Variants in CLIP2 observed in about 807,000 individuals in gnomAD.
CLIP2 encodes CAP-Gly domain-containing linker protein 2.
Under a neutral mutation model 111.7 loss-of-function variants are expected in CLIP2, and 41 were observed. That is an observed-to-expected ratio of 0.37 (90% CI 0.29 to 0.48). The LOEUF (loss-of-function observed/expected upper bound fraction) is 0.48, where lower values mean the gene tolerates loss of function less well. CLIP2 is among the 20% of genes least tolerant of loss of function. The pLI, the probability that CLIP2 is intolerant of heterozygous loss-of-function variation, is 0.99. For missense variants in CLIP2, 1,160 were observed against 1,422.1 expected (o/e 0.82, Z 2.96); for synonymous variants, 660 against 644.2 (o/e 1.02, Z -0.37).
intron 11 of CLIP2, among the ~76,000 whole-genome samples, chr7:74,383,069 G>T (rs1214049918): frequency 1.5e-5 from 2 of 134,950 alleles, no homozygotes; most frequent in Non-Finnish European, 3.1e-5. Context: ...AATAGAGTGA[G>T]ACCCTGTCAC....
chr7:74,333,307 C>G (rs945974752), intron 2 of CLIP2, among the ~76,000 whole-genome samples: 22 of 151,918 alleles, frequency 1.4e-4, no homozygotes, highest in African/African-American at 4.8e-4. Context: ...CCTCAGCCTC[C>G]CAAGTAGCTT....
intron 1 of CLIP2, among the ~76,000 whole-genome samples, chr7:74,306,791 T>G (rs1584310890): frequency 6.6e-6 from 1 of 152,234 alleles, no homozygotes; most frequent in South Asian, 2.1e-4. Flanking sequence ...TGGGGTGTCT[T>G]CTCTGCCTCA....
intron 1 of CLIP2, among the ~76,000 whole-genome samples, chr7:74,295,506 C>G (rs1318463300): frequency 6.6e-6 from 1 of 152,100 alleles, no homozygotes; most frequent in Non-Finnish European, 1.5e-5. Context: ...CTTCGCTAGC[C>G]TGTTCCCTTT....
In CLIP2 at chr7:74,401,637, C is replaced by T. The variant is rs17145470; in HGVS notation, c.3129+70C>T. On this transcript the variant is annotated intron_variant, in intron 16 of 16. Coordinates refer to ENST00000223398, the MANE Select transcript of CLIP2 (RefSeq NM_003388.5). The stretch of plus-strand genomic sequence containing the variant: ...ACCTCTCTGGAGAAAATCCTTGAAA[C>T]GTCACTAAGAATACACACAAAGATG... 35 of 1,455,234 alleles carry T rather than the reference C, an allele frequency of 2.4e-5. No individual in the cohort carries two copies. The East Asian group carries it at 7.0e-4, about 29-fold the overall frequency. The allele number at this position is 1,455,234 out of a possible 1,614,324, so 90.1% of individuals were successfully genotyped here. A position where few individuals can be genotyped will look rare whatever the true frequency, so the allele number is the denominator to read the frequency against.
At chr7:74,298,486 G>A (rs1788235031) in intron 1 of CLIP2, among the ~76,000 whole-genome samples, 1 of 150,938 alleles carries the variant, frequency 6.6e-6, no homozygotes, top group African/African-American at 2.4e-5. Context: ...TTACAGGCAT[G>A]AGCCACCACA....
At chr7:74,361,193 T>TTCCTTCCTTCCTTCCC (rs2116618630) in intron 7 of CLIP2, among the ~76,000 whole-genome samples, 1 of 120,170 alleles carries the variant, frequency 8.3e-6, no homozygotes, top group South Asian at 3.4e-4. Flanking sequence ...CCTTCCTTCC[T>TTCCTTCCTTCCTTCCC]TCCTTCCTTC....
intron 12 of CLIP2, among the ~76,000 whole-genome samples, chr7:74,387,574 A>G (rs1554315015): frequency 6.6e-6 from 1 of 152,178 alleles, no homozygotes; most frequent in East Asian, 1.9e-4. Context: ...CTTGTTCACC[A>G]GAACACCAGT....
In CLIP2 at chr7:74,376,484, G is replaced by A; in HGVS notation, c.2083G>A (p.Glu695Lys). Residue 695 changes from glutamate (E) to lysine (K), a missense_variant, in exon 10 of 17, where the codon GAG becomes AAG. By Grantham distance (56) the Glu-to-Lys change is moderately conservative. Around this residue, in one of 5 missense-constraint regions of CLIP2, gnomAD observed 676 missense variants for 777.8 expected, o/e 0.87. Transcript: ENST00000223398. This position sits in a 1 kb window ranked among gnomAD's most constrained non-coding sequence, Gnocchi z 7.1. Reference protein sequence around the residue: ...LREKLQEAQEELAGLQRHWRA... With the variant: ...LREKLQEAQEKLAGLQRHWRA... ...AGAGAAGCTGCAGGAGGCCCAGGAGGAGCTGGCTGGGCTGCAGCGGCACTG... is the reference window on the plus strand; with the variant it reads ...AGAGAAGCTGCAGGAGGCCCAGGAGAAGCTGGCTGGGCTGCAGCGGCACTG... The A allele has an allele frequency of 1.2e-6, 2 of 1,612,750 alleles. No individual in the cohort carries two copies. Among genetic ancestry groups the A allele is most frequent in the Non-Finnish European group, 1.7e-6 (2 of 1,179,682 alleles).
intron 2 of CLIP2, among the ~76,000 whole-genome samples, chr7:74,329,068 TG>T (rs1186578088): frequency 2.1e-5 from 3 of 146,002 alleles, no homozygotes; most frequent in Non-Finnish European, 3.0e-5. Context: ...CCATCATGCC[TG>T]GCTAATTTTT....
At chr7:74,303,802 C>T (rs1788403649) in intron 1 of CLIP2, among the ~76,000 whole-genome samples, 1 of 150,116 alleles carries the variant, frequency 6.7e-6, no homozygotes. Context: ...GGCTCAGCTA[C>T]TTGGGAAGCT....
At chr7:74,320,462 C>T (rs956062398) in intron 2 of CLIP2, among the ~76,000 whole-genome samples, 5 of 152,058 alleles carry the variant, frequency 3.3e-5, no homozygotes, top group Non-Finnish European at 5.9e-5. Context: ...GTCGAGGCTG[C>T]GGTGAGTTTT....
rs1405042800 is a variant in CLIP2 at position 74,404,389 on chromosome 7, G to A, written c.*541G>A. 1 of 158,592 alleles carries A rather than the reference G, an allele frequency of 6.3e-6. No individual in the cohort carries two copies. Among genetic ancestry groups the A allele is most frequent in the Non-Finnish European group, 1.4e-5 (1 of 71,574 alleles). 9.8% of individuals were successfully genotyped at this position (158,592 alleles called of 1,614,324 possible). A position where few individuals can be genotyped will look rare whatever the true frequency, so the allele number is the denominator to read the frequency against. On this transcript the variant is annotated 3_prime_UTR_variant, in exon 17 of 17. Coordinates refer to ENST00000223398, the MANE Select transcript of CLIP2 (RefSeq NM_003388.5). The stretch of plus-strand genomic sequence containing the variant: ...CCAGGGCTTCTTGTCCCCACCTTCT[G>A]AACCTTCTTCAAACAGTAGTACAAG...
chr7:74,405,265 GCACAGGGGTCCCTGCCC>G lies in CLIP2; in HGVS notation c.*1421_*1437del, dbSNP rs1348134208. 3.3e-5 allele frequency: 5 copies of G among 152,308 alleles called. No homozygotes were observed. In the East Asian group the frequency reaches 7.7e-4, roughly 23 times the overall value. The allele number at this position is 152,308 out of a possible 1,614,324, so 9.4% of individuals were successfully genotyped here. A position where few individuals can be genotyped will look rare whatever the true frequency, so the allele number is the denominator to read the frequency against. Reference sequence around the variant, plus strand: ...CTTACAGCTTTGCACCCCGGCATCAGCACAGGGGTCCCTGCCCCACCCTCCGGCAGCTCAGGGAGTGT... The same window carrying G: ...CTTACAGCTTTGCACCCCGGCATCAGCACCCTCCGGCAGCTCAGGGAGTGT... On this transcript the variant is annotated 3_prime_UTR_variant, in exon 17 of 17. Transcript: ENST00000223398.
intron 2 of CLIP2, among the ~76,000 whole-genome samples, chr7:74,320,967 A>T (rs1354888426): frequency 6.6e-6 from 1 of 151,768 alleles, no homozygotes; most frequent in African/African-American, 2.4e-5. Flanking sequence ...AGAGAGTCTT[A>T]TTGAACCTTC....
chr7:74,323,466 C>T (rs1390264078), intron 2 of CLIP2, among the ~76,000 whole-genome samples: 1 of 144,836 alleles, frequency 6.9e-6, no homozygotes, highest in East Asian at 2.1e-4. Flanking sequence ...TTTACTCCAT[C>T]GCCCAGGCTG....
chr7:74,329,087 G>GTTT (rs35692014), intron 2 of CLIP2, among the ~76,000 whole-genome samples: 34 of 111,052 alleles, frequency 3.1e-4, no homozygotes, highest in East Asian at 1.1e-3. Flanking sequence ...TTTTTTTTTG[G>GTTT]TTTTTTTTTT....
rs138796752 is a variant in CLIP2, at chr7:74,400,926, G to A, written c.3066+371G>A. ...CCCAGAAGCCCCCGGTCTGAAGGGG[G>A]AGGTAGCTCTGTCCCGGGAACCCTA... is the stretch of plus-strand genomic sequence containing the variant. On this transcript the variant is annotated intron_variant, in intron 15 of 16. Transcript: ENST00000223398. Among the ~76,000 whole-genome samples the A allele has an allele frequency of 4.2e-3, 641 of 151,556 alleles. 5 individuals carry two copies. Among genetic ancestry groups the A allele is most frequent in the Middle Eastern group, 0.024 (7 of 292 alleles).
intron 1 of CLIP2, among the ~76,000 whole-genome samples, chr7:74,291,269 T>C (rs1554725332): frequency 6.6e-6 from 1 of 152,114 alleles, no homozygotes; most frequent in East Asian, 1.9e-4. Context: ...CACACCTGTG[T>C]GCACCTGCAA....
intron 13 of CLIP2, among the ~76,000 whole-genome samples, chr7:74,390,756 GTGGGT>G (rs1791273177): frequency 7.5e-6 from 1 of 133,244 alleles, no homozygotes; most frequent in African/African-American, 2.8e-5. Context: ...GGTGGGGGGG[GTGGGT>G]GGGGGACTGG....
Sources: allele counts gnomAD v4.1 joint callset (sites outside exome capture counted in the v4.1 genomes callset), GRCh38; gene constraint gnomAD v4.1.1; regional missense constraint gnomAD v4.1.1; non-coding constraint Gnocchi (gnomAD v3.1); transcripts MANE v1.5; gene names NCBI Gene and HGNC (gene_info 2026-07-23, HGNC 2026-07-21).